Variants in SHLD1 observed in about 807,000 individuals in gnomAD.
The protein encoded by SHLD1 is shieldin complex subunit 1.
SHLD1 carries 3 observed loss-of-function variants against 5.5 expected under a neutral mutation model. That is an observed-to-expected ratio of 0.54 (90% CI 0.25 to 1.40). The LOEUF (loss-of-function observed/expected upper bound fraction) is 1.40. Among genes scored for constraint, SHLD1 ranks in the 40% most tolerant of loss-of-function variants. The probability of loss-of-function intolerance (pLI) is 0.15; values close to 1 mark genes in which losing one functional copy is unlikely to be tolerated. For synonymous variants in SHLD1, 92 were observed against 94.3 expected (o/e 0.98, Z 0.14); for missense variants, 210 against 244.4 (o/e 0.86, Z 0.94).
chr20:5,756,767 G>A, intron 1 of SHLD1: 1 of 277,290 alleles, frequency 3.6e-6, no homozygotes, highest in Admixed American at 4.1e-5. Flanking sequence ...TCAGCTCACT[G>A]CAACCTCCGT....
intron 2 of SHLD1, among the ~76,000 whole-genome samples, chr20:5,776,636 G>A (rs778083404): frequency 9.2e-5 from 14 of 152,030 alleles, no homozygotes; most frequent in South Asian, 2.1e-4. Context: ...GGTGGCAGGC[G>A]CCTGTAATCC....
chr20:5,770,099 T>G (rs1049380457), intron 1 of SHLD1, among the ~76,000 whole-genome samples: 3 of 152,122 alleles, frequency 2.0e-5, no homozygotes, highest in African/African-American at 7.2e-5. Context: ...ACTATTGACT[T>G]TCTGAGGTTA....
At chr20:5,752,077 C>A (rs555528283) in intron 1 of SHLD1, among the ~76,000 whole-genome samples, 16 of 152,176 alleles carry the variant, frequency 1.1e-4, no homozygotes, top group African/African-American at 3.4e-4. Context: ...GTAGCAGCCT[C>A]AGAGAATAGA....
intron 2 of SHLD1, among the ~76,000 whole-genome samples, chr20:5,777,029 G>A (rs868151195): frequency 6.6e-6 from 1 of 150,868 alleles, no homozygotes. Context: ...TCACTCTGTT[G>A]CCCAGGCTGA....
chr20:5,795,601 CAAAAAAAAA>C (rs56723415), intron 2 of SHLD1, among the ~76,000 whole-genome samples: 2 of 67,088 alleles, frequency 3.0e-5, no homozygotes, highest in South Asian at 5.1e-4. Flanking sequence ...TCTGGTCTCG[CAAAAAAAAA>C]AAAAAAAAAA....
At chr20:5,820,274 C>T (rs2087591782) in intron 2 of SHLD1, among the ~76,000 whole-genome samples, 1 of 152,246 alleles carries the variant, frequency 6.6e-6, no homozygotes, top group Non-Finnish European at 1.5e-5. Flanking sequence ...AAATATATGT[C>T]ACATTCAGCT....
chr20:5,784,723 T>G lies in SHLD1; in HGVS notation c.178+11680T>G, dbSNP rs1225651694. Reference sequence around the variant, plus strand: ...CCTCAGCCTCCCAAAGTGCTGGGATTACAGGCGTGAGCCACCGCGCCCGGC... The same window carrying G: ...CCTCAGCCTCCCAAAGTGCTGGGATGACAGGCGTGAGCCACCGCGCCCGGC... On this transcript the variant is annotated intron_variant, in intron 2 of 2. Coordinates refer to ENST00000303142, the MANE Select transcript of SHLD1 (RefSeq NM_152504.4). Among the ~76,000 whole-genome samples the G allele has an allele frequency of 3.3e-5, 5 of 152,352 alleles. No individual in the cohort carries two copies. The East Asian group carries it at 5.8e-4, about 18-fold the overall frequency.
intron 2 of SHLD1, among the ~76,000 whole-genome samples, chr20:5,817,869 G>A (rs915305993): frequency 1.3e-5 from 2 of 152,200 alleles, no homozygotes; most frequent in Non-Finnish European, 2.9e-5. Context: ...ACTGCTGTGA[G>A]GCAGTGAGAT....
At chr20:5,831,294 C>T (rs986051041) in intron 2 of SHLD1, among the ~76,000 whole-genome samples, 27 of 152,198 alleles carry the variant, frequency 1.8e-4, no homozygotes, top group African/African-American at 4.8e-4. Context: ...ATCCAACTCC[C>T]CACCTCCTTT....
intron 2 of SHLD1, among the ~76,000 whole-genome samples, chr20:5,801,482 A>T (rs909410953): frequency 2.6e-5 from 4 of 152,164 alleles, no homozygotes; most frequent in African/African-American, 9.7e-5. Flanking sequence ...AACGAGAATC[A>T]AGTATCCTAC....
intron 1 of SHLD1, among the ~76,000 whole-genome samples, chr20:5,767,132 C>CTT (rs993274558): frequency 6.9e-6 from 1 of 145,476 alleles, no homozygotes; most frequent in Non-Finnish European, 1.5e-5. Flanking sequence ...ATTTTCTTTT[C>CTT]TTTTCTTTTC....
intron 2 of SHLD1, among the ~76,000 whole-genome samples, chr20:5,837,245 G>T (rs1165532726): frequency 6.6e-6 from 1 of 152,142 alleles, no homozygotes; most frequent in Non-Finnish European, 1.5e-5. Context: ...TAGGAGTATT[G>T]GCCTCCCCTC....
In SHLD1 at chr20:5,863,241, A is replaced by G; in HGVS notation, c.396A>G (p.Leu132=). 6.2e-7 allele frequency: 1 copy of G among 1,614,138 alleles called. No individual in the cohort carries two copies. The highest frequency in any genetic ancestry group is 8.5e-7 in the Non-Finnish European group (1 of 1,180,010). Residue 132 remains leucine (L), a synonymous_variant, in exon 3 of 3, where the codon CTA becomes CTG. Transcript: ENST00000303142. ...GCCTGTCTCAGAAAATCACTCAACTAAGAGGCCAGGAGAGCCAAAAGTATG... is the reference window on the plus strand; with the variant it reads ...GCCTGTCTCAGAAAATCACTCAACTGAGAGGCCAGGAGAGCCAAAAGTATG... ...CKCLSQKITQ[L]RGQESQKYAL... is the part of the protein sequence containing the mutation.
intron 2 of SHLD1, among the ~76,000 whole-genome samples, chr20:5,852,765 TAG>T (rs1423992566): frequency 6.6e-6 from 1 of 152,192 alleles, no homozygotes; most frequent in Admixed American, 6.5e-5. Context: ...TCACTTTCAT[TAG>T]AGTGTGTAGA....
rs575277909 is a variant in SHLD1 at position 5,799,520 on chromosome 20, C to T, written c.178+26477C>T. On this transcript the variant is annotated intron_variant, in intron 2 of 2. Coordinates refer to ENST00000303142, the MANE Select transcript of SHLD1 (RefSeq NM_152504.4). ...GAGAGACAGGGTTTTGCCATGTTGC[C>T]CAGGCTGGTCTCAAAACTCCTGAGC... is the stretch of plus-strand genomic sequence containing the variant. Among the ~76,000 whole-genome samples, 16 of 141,552 alleles carry T rather than the reference C, an allele frequency of 1.1e-4. No homozygotes were observed. The South Asian group carries it at 2.2e-3, about 19-fold the overall frequency. 92.9% of individuals were successfully genotyped at this position (141,552 alleles called of 152,430 possible).
At chr20:5,830,688 TAA>T (rs33975362) in intron 2 of SHLD1, among the ~76,000 whole-genome samples, 9,856 of 131,180 alleles carry the variant, frequency 0.075, 791 homozygotes, top group East Asian at 0.41. Flanking sequence ...AACTCCGTCT[TAA>T]AAAAAAAAAA....
intron 2 of SHLD1, among the ~76,000 whole-genome samples, chr20:5,862,163 T>C (rs2088171339): frequency 6.6e-6 from 1 of 152,208 alleles, no homozygotes. Context: ...GGTTACAGCT[T>C]CAACACGTGA....
intron 2 of SHLD1, among the ~76,000 whole-genome samples, chr20:5,834,281 G>A (rs1268500948): frequency 1.3e-5 from 2 of 152,160 alleles, no homozygotes; most frequent in African/African-American, 4.8e-5. Flanking sequence ...TATCCTGTGA[G>A]TCCTTCTCTT....
At position 5,806,499 on chromosome 20, in the gene SHLD1, A is replaced by T. The variant is rs1423195188; in HGVS notation, c.178+33456A>T. Among the ~76,000 whole-genome samples, 1 of 152,168 alleles carries T rather than the reference A, an allele frequency of 6.6e-6. No individual in the cohort carries two copies. The highest frequency in any genetic ancestry group is 1.5e-5 in the Non-Finnish European group (1 of 68,030). On this transcript the variant is annotated intron_variant, in intron 2 of 2. Coordinates refer to ENST00000303142, the MANE Select transcript of SHLD1 (RefSeq NM_152504.4). This position sits in a 1 kb window ranked among gnomAD's most constrained non-coding sequence, Gnocchi z 7.6. ...ATGCCTTGTGTTCATTTCCTCTCCT[A>T]CCAGTCAGGCATGCAGTTTTGATAA... is the stretch of plus-strand genomic sequence containing the variant.
Sources: allele counts gnomAD v4.1 joint callset (sites outside exome capture counted in the v4.1 genomes callset), GRCh38; gene constraint gnomAD v4.1.1; non-coding constraint Gnocchi (gnomAD v3.1); transcripts MANE v1.5; gene names NCBI Gene and HGNC (gene_info 2026-07-23, HGNC 2026-07-21).